Variants in SHANK2 observed in about 807,000 individuals in gnomAD.
The protein encoded by SHANK2 is SH3 and multiple ankyrin repeat domains protein 2.
A neutral mutation model predicts 133.7 loss-of-function variants in SHANK2; 43 were observed. The observed-to-expected ratio is 0.32, with a 90% CI of 0.25 to 0.41. SHANK2 has a LOEUF of 0.41. Among genes scored for constraint, SHANK2 ranks in the 10% least tolerant of loss-of-function variants. SHANK2 has a pLI of 1.00. For synonymous variants in SHANK2, 1,017 were observed against 952.8 expected, an observed-to-expected ratio of 1.07 and a Z score of -1.24; for missense variants, 1,994 against 2,235.8, an observed-to-expected ratio of 0.89 and a Z score of 2.18.
chr11:70,636,804 A>G (rs571844271), intron 17 of SHANK2, among the ~76,000 whole-genome samples: 120 of 151,838 alleles, frequency 7.9e-4, no homozygotes, highest in African/African-American at 2.2e-3. Flanking sequence ...GTGTGTGTGA[A>G]CATGTGTGTG....
At chr11:71,172,605 A>AG (rs1441826130) in intron 2 of SHANK2, among the ~76,000 whole-genome samples, 2 of 151,320 alleles carry the variant, frequency 1.3e-5, no homozygotes, top group African/African-American at 4.9e-5. Context: ...CTCAAAAAAA[A>AG]AAAAAAAGAA....
rs549362182 is a variant in SHANK2 at position 70,485,775 on chromosome 11, C to T, written c.4518G>A (p.Thr1506=). 8.4e-5 allele frequency: 135 copies of T among 1,613,932 alleles called. No individual in the cohort carries two copies. Among genetic ancestry groups the T allele is most frequent in the East Asian group, 7.6e-4 (34 of 44,862 alleles). The change falls in exon 25 of 26, where the codon ACG becomes ACA. Residue 1506 remains threonine, a synonymous_variant. Transcript: ENST00000601538. This position sits in a 1 kb window ranked among gnomAD's most constrained non-coding sequence, Gnocchi z 5.8. ...SRSSSDHHLE[T]TSTISTVSSI... ...TAGACACGGTGGAGATAGTGCTGGT[C>T]GTCTCGAGGTGGTGGTCGCTGCTAC...
At chr11:70,922,251 T>C (rs1418148593) in intron 10 of SHANK2, among the ~76,000 whole-genome samples, 1 of 151,732 alleles carries the variant, frequency 6.6e-6, no homozygotes, top group Non-Finnish European at 1.5e-5. Flanking sequence ...GAAGGACAAA[T>C]GGAAAACAGA....
intron 14 of SHANK2, among the ~76,000 whole-genome samples, chr11:70,713,673 C>T (rs1034736481): frequency 1.3e-5 from 2 of 152,082 alleles, no homozygotes; most frequent in South Asian, 2.1e-4. Context: ...GTCACAGCGC[C>T]GGGTGTCCGT....
At chr11:70,597,441 A>T (rs1554989811) in intron 17 of SHANK2, among the ~76,000 whole-genome samples, 1 of 152,116 alleles carries the variant, frequency 6.6e-6, no homozygotes, top group African/African-American at 2.4e-5. Context: ...AGAGGCGGCC[A>T]GTGGAGCTGG....
At chr11:70,792,295 T>A (rs1393544817) in intron 14 of SHANK2, among the ~76,000 whole-genome samples, 1 of 137,166 alleles carries the variant, frequency 7.3e-6, no homozygotes, top group Admixed American at 7.3e-5. Flanking sequence ...AAGCAATCAA[T>A]CAACCAACCA....
At chr11:71,078,402 A>G (rs1951248520) in intron 8 of SHANK2, among the ~76,000 whole-genome samples, 1 of 152,222 alleles carries the variant, frequency 6.6e-6, no homozygotes, top group Non-Finnish European at 1.5e-5. Context: ...TAGGATTAAA[A>G]AAAAATCTCC....
intron 8 of SHANK2, among the ~76,000 whole-genome samples, chr11:71,085,828 TAA>T (rs1951391557): frequency 2.9e-3 from 1 of 348 alleles, no homozygotes; most frequent in African/African-American, 3.6e-3. Flanking sequence ...TATTATATAA[TAA>T]TATTATACAA....
In SHANK2 at chr11:70,500,082, C is replaced by G. The variant is rs2059028567; in HGVS notation, c.2308+488G>C. Among the ~76,000 whole-genome samples the G allele has an allele frequency of 6.6e-6, 1 of 152,124 alleles. No homozygotes were observed. The highest frequency in any genetic ancestry group is 1.5e-5 in the Non-Finnish European group (1 of 68,010). On this transcript the variant is annotated intron_variant, in intron 21 of 25. Transcript: ENST00000601538. This position sits in a 1 kb window ranked among gnomAD's most constrained non-coding sequence, Gnocchi z 4.5. ...TGCCAGTCTCCCACTCCACACCAGC[C>G]CTGGGTGGGGAGGTGTAGCCAAAGG...
chr11:70,791,554 G>A (rs11237503), intron 14 of SHANK2, among the ~76,000 whole-genome samples: 13,278 of 152,156 alleles, frequency 0.087, 787 homozygotes, highest in South Asian at 0.27. Flanking sequence ...CTCTTCATAC[G>A]CATCATCTCC....
chr11:71,146,642 C>T (rs1315383349), intron 3 of SHANK2, among the ~76,000 whole-genome samples: 4 of 152,174 alleles, frequency 2.6e-5, no homozygotes, highest in African/African-American at 9.7e-5. Flanking sequence ...AAGGAGTGCT[C>T]AGGGCTGTAC....
At chr11:70,794,068 G>A (rs1947854915) in intron 14 of SHANK2, among the ~76,000 whole-genome samples, 1 of 152,074 alleles carries the variant, frequency 6.6e-6, no homozygotes, top group Non-Finnish European at 1.5e-5. Flanking sequence ...ATCCCTTGAG[G>A]TCAGGAGTTC....
intron 2 of SHANK2, among the ~76,000 whole-genome samples, chr11:71,154,142 G>T (rs1565483616): frequency 6.6e-6 from 1 of 152,074 alleles, no homozygotes; most frequent in Non-Finnish European, 1.5e-5. Flanking sequence ...CATTTATTTT[G>T]TGCATTCCTG....
At position 70,836,794 on chromosome 11, in the gene SHANK2, A is replaced by T. The variant is rs558708590; in HGVS notation, c.1175-16112T>A. On this transcript the variant is annotated intron_variant, in intron 11 of 25. Transcript: ENST00000601538. The stretch of plus-strand genomic sequence containing the variant: ...CATCTGAGGCTGACTACAGTCACCA[A>T]GTCCTGTGGCCTGAAGGTTTACATC... Among the ~76,000 whole-genome samples, 11 of 152,390 alleles carry T rather than the reference A, an allele frequency of 7.2e-5. No homozygotes were observed. The East Asian group carries it at 2.1e-3, about 29-fold the overall frequency.
At chr11:70,749,826 G>GA (rs1318238858) in intron 14 of SHANK2, among the ~76,000 whole-genome samples, 106 of 148,694 alleles carry the variant, frequency 7.1e-4, no homozygotes, top group African/African-American at 2.2e-3. Context: ...AAAAAAGACT[G>GA]AAAAAAAAAT....
chr11:70,662,374 G>A (rs1354291785), intron 15 of SHANK2, among the ~76,000 whole-genome samples: 2 of 152,184 alleles, frequency 1.3e-5, no homozygotes, highest in African/African-American at 4.8e-5. Context: ...GCGGCTGCCT[G>A]GGCGTCATCC....
At chr11:70,597,331 C>T (rs1415614173) in intron 17 of SHANK2, among the ~76,000 whole-genome samples, 8 of 152,124 alleles carry the variant, frequency 5.3e-5, no homozygotes, top group Non-Finnish European at 8.8e-5. Context: ...TGCCAAGAAG[C>T]AGCAAGTACT....
At chr11:70,525,366 C>A (rs114497702) in intron 17 of SHANK2, among the ~76,000 whole-genome samples, 211 of 152,286 alleles carry the variant, frequency 1.4e-3, no homozygotes, top group African/African-American at 4.9e-3. Flanking sequence ...TGGGTGGCAG[C>A]CCCTCTCCAA....
intron 10 of SHANK2, among the ~76,000 whole-genome samples, chr11:70,945,759 T>C (rs782750034): frequency 1.2e-4 from 18 of 152,108 alleles, no homozygotes; most frequent in Non-Finnish European, 2.5e-4. Context: ...AAGCTGCAGG[T>C]GCCTGGGGAT....
Sources: allele counts gnomAD v4.1 joint callset (sites outside exome capture counted in the v4.1 genomes callset), GRCh38; gene constraint gnomAD v4.1.1; non-coding constraint Gnocchi (gnomAD v3.1); transcripts MANE v1.5; gene names NCBI Gene and HGNC (gene_info 2026-07-23, HGNC 2026-07-21).